The following CLYBL variants were observed in gnomAD, a reference collection of about 807,000 sequenced individuals.
The protein encoded by CLYBL is citramalyl-CoA lyase, mitochondrial.
In CLYBL, 31 loss-of-function variants were observed where a neutral mutation model predicts 38.9. The ratio of observed to expected loss-of-function variants is 0.80; its 90% CI spans 0.60 to 1.08. The LOEUF is 1.08. Among genes scored for constraint, CLYBL ranks in the 50% least tolerant of loss-of-function variants. The pLI is 0.00. For synonymous variants in CLYBL, 171 were observed against 158.6 expected (o/e 1.08, Z -0.59); for missense variants, 434 against 411.6 (o/e 1.05, Z -0.47).
chr13:99,609,969 C>T (rs942939819), intron 1 of CLYBL, among the ~76,000 whole-genome samples: 3 of 152,126 alleles, frequency 2.0e-5, no homozygotes, highest in African/African-American at 4.8e-5. Flanking sequence ...GTGGTGAGAT[C>T]GTAGCTCACT....
Position 99,772,915 on chromosome 13 carries a change from C to G in CLYBL, c.154C>G (p.Pro52Ala). 1 of 1,613,632 alleles carries G rather than the reference C, an allele frequency of 6.2e-7. No individual in the cohort carries two copies. ...YIPRRAVLYVPGNDEKKIKKI... is the reference protein window; with the variant it reads ...YIPRRAVLYVAGNDEKKIKKI... ...CCCCCGGAGGGCAGTGCTTTATGTA[C>G]CTGGAAATGATGAAAAGAAAATAAA... The change falls in exon 2 of 9, where the codon CCT becomes GCT. Residue 52 changes from proline to alanine, a missense_variant. Transcript: ENST00000339105.
intron 2 of CLYBL, among the ~76,000 whole-genome samples, chr13:99,782,281 C>T (rs947000091): frequency 1.3e-5 from 2 of 152,090 alleles, no homozygotes; most frequent in Admixed American, 1.3e-4. Flanking sequence ...CCAAAGCAGG[C>T]AGATCACCTG....
At chr13:99,758,929 G>T (rs2049115263) in intron 1 of CLYBL, among the ~76,000 whole-genome samples, 1 of 152,234 alleles carries the variant, frequency 6.6e-6, no homozygotes, top group Non-Finnish European at 1.5e-5. Flanking sequence ...GCTTAGCACA[G>T]TGCAGCTCAG....
At chr13:99,868,740 A>G (rs1394121249) in intron 6 of CLYBL, among the ~76,000 whole-genome samples, 1 of 152,222 alleles carries the variant, frequency 6.6e-6, no homozygotes, top group African/African-American at 2.4e-5. Flanking sequence ...TTTTATAAAA[A>G]AGAAACCAAA....
chr13:99,832,959 A>G (rs1790991151), intron 2 of CLYBL, among the ~76,000 whole-genome samples: 1 of 139,246 alleles, frequency 7.2e-6, no homozygotes, highest in Non-Finnish European at 1.5e-5. Context: ...GAGATTTTGA[A>G]GTATTGTCAT....
At chr13:99,830,357 C>T (rs1163376810) in intron 2 of CLYBL, among the ~76,000 whole-genome samples, 2 of 152,148 alleles carry the variant, frequency 1.3e-5, no homozygotes, top group African/African-American at 4.8e-5. Flanking sequence ...AACAACACAA[C>T]GGGAAGGACA....
chr13:99,628,530 G>A (rs529239579), intron 1 of CLYBL, among the ~76,000 whole-genome samples: 71 of 152,294 alleles, frequency 4.7e-4, no homozygotes, highest in African/African-American at 1.7e-3. Flanking sequence ...GTTGCACCAG[G>A]GTGGTAATAA....
chr13:99,877,147 T>C (rs1029820704), intron 7 of CLYBL, among the ~76,000 whole-genome samples: 2 of 152,174 alleles, frequency 1.3e-5, no homozygotes, highest in African/African-American at 4.8e-5. Flanking sequence ...AGGCCATATT[T>C]ACTCCAAAGC....
chr13:99,895,443 C>G (rs958203409), downstream of CLYBL: 1 of 152,216 alleles, frequency 6.6e-6, no homozygotes, highest in Admixed American at 6.5e-5. Context: ...GGAGCCGCTG[C>G]CAGGCTTCCC....
intron 2 of CLYBL, among the ~76,000 whole-genome samples, chr13:99,858,010 T>G (rs564042598): frequency 1.1e-4 from 17 of 152,282 alleles, no homozygotes; most frequent in Admixed American, 8.5e-4. Context: ...CCCAGTGCTT[T>G]CTTTCTCTTG....
intron 7 of CLYBL, among the ~76,000 whole-genome samples, chr13:99,876,030 T>C (rs2052029628): frequency 6.6e-6 from 1 of 151,880 alleles, no homozygotes; most frequent in South Asian, 2.1e-4. Context: ...AAGTAATGAA[T>C]TGCTACAAAG....
At chr13:99,695,806 C>T (rs1417865081) in intron 1 of CLYBL, among the ~76,000 whole-genome samples, 1 of 152,190 alleles carries the variant, frequency 6.6e-6, no homozygotes, top group Non-Finnish European at 1.5e-5. Flanking sequence ...GAATGAGCCA[C>T]CGTCCCCAGT....
intron 8 of CLYBL, among the ~76,000 whole-genome samples, chr13:99,902,340 T>G (rs2052652665): frequency 6.6e-6 from 1 of 152,238 alleles, no homozygotes; most frequent in South Asian, 2.1e-4. Flanking sequence ...GTTTTTAAAA[T>G]ATGATCAGTC....
At chr13:99,711,123 C>T (rs2048224477) in intron 1 of CLYBL, among the ~76,000 whole-genome samples, 1 of 152,154 alleles carries the variant, frequency 6.6e-6, no homozygotes, top group African/African-American at 2.4e-5. Flanking sequence ...AGTGATCTGA[C>T]TGCCTTGGCC....
intron 1 of CLYBL, among the ~76,000 whole-genome samples, chr13:99,680,872 A>G (rs986851067): frequency 1.3e-5 from 2 of 152,242 alleles, no homozygotes; most frequent in Non-Finnish European, 1.5e-5. Context: ...CATGGACCCA[A>G]TAAACAAACT....
intron 2 of CLYBL, among the ~76,000 whole-genome samples, chr13:99,777,125 C>A (rs2049534036): frequency 6.6e-6 from 1 of 152,004 alleles, no homozygotes; most frequent in African/African-American, 2.4e-5. Context: ...GTGATCTGCC[C>A]ACCTCCGCCT....
intron 8 of CLYBL, chr13:99,892,108 A>G (rs1384378377): frequency 6.6e-6 from 1 of 152,222 alleles, no homozygotes; most frequent in Non-Finnish European, 1.5e-5. Flanking sequence ...TAAAAAATAA[A>G]TGTGCAGAAA....
At chr13:99,752,324 A>C (rs1194383029) in intron 1 of CLYBL, among the ~76,000 whole-genome samples, 2 of 151,972 alleles carry the variant, frequency 1.3e-5, no homozygotes, top group Non-Finnish European at 2.9e-5. Flanking sequence ...TCTTTCATTC[A>C]TTCAGCCTGC....
chr13:99,636,517 G>A (rs1160228646), intron 1 of CLYBL, among the ~76,000 whole-genome samples: 1 of 152,020 alleles, frequency 6.6e-6, no homozygotes, highest in Non-Finnish European at 1.5e-5. Flanking sequence ...CTTGGACAGT[G>A]GGATCTGCTC....
Sources: gnomAD v4.1 joint callset for allele counts (sites outside exome capture counted in the v4.1 genomes callset) on GRCh38, gnomAD v4.1.1 for gene constraint, MANE v1.5 for transcripts, NCBI Gene and HGNC (gene_info 2026-07-23, HGNC 2026-07-21) for gene names.